The following PADI4 variants were observed in gnomAD, a reference collection of about 807,000 sequenced individuals.
PADI4 encodes protein-arginine deiminase type-4.
Under a neutral mutation model 75.0 loss-of-function variants are expected in PADI4, and 62 were observed. The observed-to-expected ratio is 0.83, with a 90% CI of 0.67 to 1.02. The LOEUF (loss-of-function observed/expected upper bound fraction) is 1.02. Among genes scored for constraint, PADI4 ranks in the 50% least tolerant of loss-of-function variants. PADI4 has a pLI of 0.00. For synonymous variants in PADI4, 361 were observed against 348.1 expected (o/e 1.04, Z -0.41); for missense variants, 845 against 850.5 (o/e 0.99, Z 0.08).
Position 17,356,009 on chromosome 1 carries a change from C to G in PADI4, c.1337C>G (p.Ala446Gly), listed in dbSNP as rs1483929693. 1 of 1,613,970 alleles carries G rather than the reference C, an allele frequency of 6.2e-7. No homozygotes were observed. The highest frequency in any genetic ancestry group is 8.5e-7 in the Non-Finnish European group (1 of 1,179,974). Residue 446 changes from alanine (A) to glycine (G), a missense_variant, in exon 12 of 16, where the codon GCC becomes GGC. Transcript: ENST00000375448. The surrounding 1 kb of genome is among the most constrained non-coding windows in gnomAD (Gnocchi z 4.1). ...AATGACAGCCGGCAGATGCACCAGG[C>G]CCTGCAGGACTTCCTCAGTGCCCAG... ...PSNDSRQMHQALQDFLSAQQV... is the reference protein window; with the variant it reads ...PSNDSRQMHQGLQDFLSAQQV...
chr1:17,331,213 T>G, intron 2 of PADI4, 64 bp downstream of exon 2: 1 of 1,376,124 alleles, frequency 7.3e-7, no homozygotes, highest in Non-Finnish European at 1.0e-6. Context: ...ACACACACTC[T>G]GTCCTGCCGT....
chr1:17,343,984 C>T (rs1041157619), intron 8 of PADI4, among the ~76,000 whole-genome samples: 5 of 152,180 alleles, frequency 3.3e-5, no homozygotes, highest in South Asian at 2.1e-4. Context: ...GAGGTTGGAA[C>T]GGTTTGGAGG....
At chr1:17,329,316 T>C (rs2074168458) in intron 1 of PADI4, among the ~76,000 whole-genome samples, 1 of 146,514 alleles carries the variant, frequency 6.8e-6, no homozygotes, top group African/African-American at 2.5e-5. Context: ...ACAGTGAGAC[T>C]CTGTCTCAAA....
Position 17,354,670 on chromosome 1 carries a change from G to A in PADI4, c.1293G>A (p.Gly431=), listed in dbSNP as rs1377359690. 2 of 1,609,402 alleles carry A rather than the reference G, an allele frequency of 1.2e-6. No homozygotes were observed. The highest frequency in any genetic ancestry group is 1.7e-6 in the Non-Finnish European group (2 of 1,177,288). Reference sequence around the variant, plus strand: ...ACCCGCTGGGCAGGATTCTCTTCGGGGACAGCTGTTATCCCAGGTAAGGAG... The same window carrying A: ...ACCCGCTGGGCAGGATTCTCTTCGGAGACAGCTGTTATCCCAGGTAAGGAG... ...KEYPLGRILF[G]DSCYPSNDSR... is the part of the protein sequence containing the mutation. The change falls in exon 11 of 16, where the codon GGG becomes GGA. Residue 431 remains glycine (G), a synonymous_variant. Coordinates refer to ENST00000375448, the MANE Select transcript of PADI4 (RefSeq NM_012387.3).
intron 14 of PADI4, 106 bp downstream of exon 14, chr1:17,359,014 G>T: frequency 3.9e-6 from 3 of 779,040 alleles, no homozygotes; most frequent in Non-Finnish European, 6.4e-6. Flanking sequence ...CTCAGGATGC[G>T]CTGGAAGACA....
At chr1:17,328,864 T>G (rs944147780) in intron 1 of PADI4, among the ~76,000 whole-genome samples, 3 of 151,976 alleles carry the variant, frequency 2.0e-5, no homozygotes, top group Non-Finnish European at 4.4e-5. Flanking sequence ...GATTCTTTGT[T>G]GCACTTCAGA....
At chr1:17,331,984 T>A (rs2074221345) in intron 2 of PADI4, among the ~76,000 whole-genome samples, 1 of 152,216 alleles carries the variant, frequency 6.6e-6, no homozygotes, top group Admixed American at 6.5e-5. Flanking sequence ...CTCTCACTGT[T>A]CTGGGGTTCA....
intron 6 of PADI4, among the ~76,000 whole-genome samples, chr1:17,341,225 A>G (rs539161812): frequency 6.6e-6 from 1 of 151,368 alleles, no homozygotes; most frequent in South Asian, 2.1e-4. Context: ...CAGCCTCCCG[A>G]GTAGCTGTGA....
intron 1 of PADI4, among the ~76,000 whole-genome samples, chr1:17,317,927 G>A (rs1292956286): frequency 6.6e-6 from 1 of 152,208 alleles, no homozygotes; most frequent in Non-Finnish European, 1.5e-5. Flanking sequence ...AGGAGGCTGA[G>A]GCCGGAGGAT....
chr1:17,361,345 A>T (rs2074845068), intron 15 of PADI4, among the ~76,000 whole-genome samples: 1 of 152,244 alleles, frequency 6.6e-6, no homozygotes, highest in Non-Finnish European at 1.5e-5. Flanking sequence ...ATGAAAGTGG[A>T]CGCCCGCGGC....
intron 10 of PADI4, among the ~76,000 whole-genome samples, chr1:17,350,511 A>G (rs988989910): frequency 7.6e-6 from 1 of 130,874 alleles, no homozygotes; most frequent in African/African-American, 2.5e-5. Flanking sequence ...GAAAATGAGA[A>G]GGGCAACAGC....
intron 10 of PADI4, among the ~76,000 whole-genome samples, chr1:17,352,295 G>C (rs79331366): frequency 6.6e-6 from 1 of 151,408 alleles, no homozygotes; most frequent in Non-Finnish European, 1.5e-5. Flanking sequence ...AGTAGAAGAG[G>C]CTGTGGTCAG....
intron 2 of PADI4, among the ~76,000 whole-genome samples, chr1:17,332,213 C>T (rs563210890): frequency 7.2e-5 from 11 of 152,266 alleles, no homozygotes; most frequent in African/African-American, 2.6e-4. Context: ...TGGGGCCCAG[C>T]TGGATGGTCC....
At chr1:17,331,318 G>A (rs908356411) in intron 2 of PADI4, among the ~76,000 whole-genome samples, 169 bp downstream of exon 2, 1 of 152,080 alleles carries the variant, frequency 6.6e-6, no homozygotes, top group Non-Finnish European at 1.5e-5. Flanking sequence ...AATAATATAC[G>A]GCTACCAGGG....
intron 10 of PADI4, among the ~76,000 whole-genome samples, chr1:17,348,947 A>G (rs1251817336): frequency 2.0e-5 from 3 of 152,188 alleles, no homozygotes; most frequent in Non-Finnish European, 4.4e-5. Context: ...GCTTTCCGAC[A>G]AGCATCTGTA....
At chr1:17,357,941 A>AAAC (rs113688600) in intron 13 of PADI4, among the ~76,000 whole-genome samples, 104,457 of 143,390 alleles carry the variant, frequency 0.73, 38,558 homozygotes, top group African/African-American at 0.84. Context: ...AAAAAAAAAA[A>AAAC]AAAAAACAAG....
intron 11 of PADI4, among the ~76,000 whole-genome samples, chr1:17,355,744 G>A (rs2074748854): frequency 6.6e-6 from 1 of 152,180 alleles, no homozygotes. Flanking sequence ...AGTGCTTTCT[G>A]AGGCTAAGCT....
Position 17,339,907 on chromosome 1 carries a change from C to A in PADI4, c.652+94C>A. The A allele has an allele frequency of 4.4e-6, 6 of 1,366,748 alleles. No individual in the cohort carries two copies. In the South Asian group the frequency reaches 8.2e-5, roughly 19 times the overall value. The allele number at this position is 1,366,748 out of a possible 1,614,324, so 84.7% of individuals were successfully genotyped here. ...GTGGCAGATAAATCCTGAGCACCTA[C>A]TATGTGCCAAGTTCTAAGAACAGCA... is the stretch of plus-strand genomic sequence containing the variant. On this transcript the variant is annotated intron_variant, in intron 6 of 15. Coordinates refer to ENST00000375448, the MANE Select transcript of PADI4 (RefSeq NM_012387.3).
At chr1:17,316,324 G>C (rs1342502293) in intron 1 of PADI4, among the ~76,000 whole-genome samples, 1 of 151,296 alleles carries the variant, frequency 6.6e-6, no homozygotes, top group Admixed American at 6.6e-5. Context: ...AACCTGTGAG[G>C]TGGAGGTTGC....
Sources: allele counts gnomAD v4.1 joint callset (sites outside exome capture counted in the v4.1 genomes callset), GRCh38; gene constraint gnomAD v4.1.1; non-coding constraint Gnocchi (gnomAD v3.1); transcripts MANE v1.5; gene names NCBI Gene and HGNC (gene_info 2026-07-23, HGNC 2026-07-21).